UBAP2L: variants seen among roughly 807,000 people sequenced by gnomAD.
UBAP2L encodes ubiquitin-associated protein 2-like.
UBAP2L carries 12 observed loss-of-function variants against 130.6 expected under a neutral mutation model. That is an observed-to-expected ratio of 0.09 (90% CI 0.06 to 0.15). The LOEUF (loss-of-function observed/expected upper bound fraction) is 0.15. UBAP2L is among the 10% of genes least tolerant of loss of function. The pLI is 1.00. For missense variants in UBAP2L, 965 were observed against 1,332.5 expected (o/e 0.72, Z 4.29); for synonymous variants, 503 against 524.7 (o/e 0.96, Z 0.57).
chr1:154,222,899 CCT>C (rs1666744368), intron 1 of UBAP2L, among the ~76,000 whole-genome samples: 1 of 152,146 alleles, frequency 6.6e-6, no homozygotes, highest in Admixed American at 6.5e-5. Flanking sequence ...TGTGTTGAAA[CCT>C]CTGTTTACTC....
At chr1:154,253,615 G>A (rs949788982) in intron 14 of UBAP2L, among the ~76,000 whole-genome samples, 35 of 151,762 alleles carry the variant, frequency 2.3e-4, no homozygotes, top group South Asian at 8.3e-4. Context: ...CTCGTGATCC[G>A]CCCGCCTCGA....
Position 154,254,687 on chromosome 1 carries a change from T to C in UBAP2L, c.1855-149T>C. 16 of 870,480 alleles carry C rather than the reference T, an allele frequency of 1.8e-5. No homozygotes were observed. In the South Asian group the frequency reaches 2.7e-4, roughly 15 times the overall value. 53.9% of individuals were successfully genotyped at this position (870,480 alleles called of 1,614,324 possible). The stretch of plus-strand genomic sequence containing the variant: ...TCCTATTTTGGTTTTTTGGATAGTC[T>C]ACATTGTATTAATATTAATCCTTTT... On this transcript the variant is annotated intron_variant, in intron 15 of 26. Transcript: ENST00000428931.
Position 154,268,942 on chromosome 1 carries a change from G to A in UBAP2L, c.3156G>A (p.Gln1052=). The A allele has an allele frequency of 1.2e-6, 2 of 1,613,492 alleles. No individual in the cohort carries two copies. Among genetic ancestry groups the A allele is most frequent in the Non-Finnish European group, 1.7e-6 (2 of 1,179,932 alleles). ...PHSQILHHHL[Q]QDGQTGSGQR... is the part of the protein sequence containing the mutation. ...CTCAGATCCTTCACCATCACCTGCA[G>A]CAGGATGGCCAGGTAATAGCCCTTC... The change falls in exon 26 of 27, where the codon CAG becomes CAA. Residue 1052 remains glutamine, a synonymous_variant. Transcript: ENST00000428931.
intron 20 of UBAP2L, 104 bp downstream of exon 20, chr1:154,257,538 A>C: frequency 8.1e-7 from 1 of 1,230,666 alleles, no homozygotes. Flanking sequence ...AAACTTGCAC[A>C]TACTCAAGCC....
chr1:154,257,189 C>T lies in UBAP2L; in HGVS notation c.2284C>T (p.Leu762=). 2 of 1,614,208 alleles carry T rather than the reference C, an allele frequency of 1.2e-6. No homozygotes were observed. The highest frequency in any genetic ancestry group is 1.1e-5 in the South Asian group (1 of 91,088). ...CTCCAGTCTCAATAGTGGCAGTAGC[C>T]TGGGCCTCAGCCTAGGCAGCAACTC... The part of the protein sequence containing the change: ...VSSSLNSGSS[L]GLSLGSNSTV... The change falls in exon 19 of 27, where the codon CTG becomes TTG. Residue 762 remains leucine (L), a synonymous_variant. Transcript: ENST00000428931.
intron 6 of UBAP2L, among the ~76,000 whole-genome samples, chr1:154,236,103 T>C (rs140444387): frequency 4.7e-4 from 72 of 152,308 alleles, no homozygotes; most frequent in African/African-American, 1.5e-3. Flanking sequence ...ACAGTAATGA[T>C]TGTCCTACTC....
At chr1:154,240,098 G>C (rs928225192) in intron 8 of UBAP2L, among the ~76,000 whole-genome samples, 1 of 152,156 alleles carries the variant, frequency 6.6e-6, no homozygotes, top group Non-Finnish European at 1.5e-5. Flanking sequence ...CACAGCATCT[G>C]AATGTCAGAC....
At chr1:154,271,086 A>G (rs1684656172), downstream of UBAP2L, 1 of 783,350 alleles carries the variant, frequency 1.3e-6, no homozygotes, top group East Asian at 2.8e-5. Flanking sequence ...TGGTGACTGG[A>G]AAGAACCACC....
intron 12 of UBAP2L, 141 bp downstream of exon 12, chr1:154,249,578 C>A: frequency 1.1e-6 from 1 of 936,620 alleles, no homozygotes; most frequent in Admixed American, 2.7e-5. Flanking sequence ...ATGTATTTCC[C>A]CTAATCAAAT....
intron 6 of UBAP2L, among the ~76,000 whole-genome samples, chr1:154,235,938 T>C (rs1671526089): frequency 6.6e-6 from 1 of 152,104 alleles, no homozygotes; most frequent in Admixed American, 6.5e-5. Context: ...TAACATGAAG[T>C]CTAGTTAGTT....
chr1:154,228,006 A>G (rs979674482), intron 3 of UBAP2L, among the ~76,000 whole-genome samples: 8 of 152,074 alleles, frequency 5.3e-5, no homozygotes, highest in African/African-American at 1.9e-4. Flanking sequence ...TTGATTCTGT[A>G]TTTGATGCTT....
chr1:154,244,195 G>T (rs545484657), intron 10 of UBAP2L, among the ~76,000 whole-genome samples: 3 of 152,060 alleles, frequency 2.0e-5, no homozygotes, highest in African/African-American at 7.2e-5. Context: ...CAGTTCTGAC[G>T]TTAACTACCC....
At chr1:154,266,669 G>T (rs1683322033) in intron 25 of UBAP2L, 101 bp downstream of exon 25, 5 of 1,257,592 alleles carry the variant, frequency 4.0e-6, no homozygotes, top group Non-Finnish European at 4.6e-6. Flanking sequence ...CCCTAGGAGA[G>T]GTGGCAGGAA....
intron 9 of UBAP2L, among the ~76,000 whole-genome samples, chr1:154,242,102 C>G (rs1673784048): frequency 6.6e-6 from 1 of 152,192 alleles, no homozygotes; most frequent in African/African-American, 2.4e-5. Flanking sequence ...TATCTGCCAG[C>G]TTGACTTAAC....
At position 154,270,405 on chromosome 1, in the gene UBAP2L, AC is replaced by A. The variant is rs777231192; in HGVS notation, c.*115del. 2 of 1,013,260 alleles carry A rather than the reference AC, an allele frequency of 2.0e-6. No homozygotes were observed. Among genetic ancestry groups the A allele is most frequent in the East Asian group, 2.8e-5 (1 of 35,912 alleles). The allele number at this position is 1,013,260 out of a possible 1,614,324, so 62.8% of individuals were successfully genotyped here. On this transcript the variant is annotated 3_prime_UTR_variant, in exon 27 of 27. Coordinates refer to ENST00000428931, the MANE Select transcript of UBAP2L (RefSeq NM_014847.4). ...ATGTGGGGGGTTTCCGCTGCCCCCC[AC>A]CCCCAGCGGCCCACCCCATGCCTCA...
At chr1:154,250,539 G>A (rs1677221897) in intron 12 of UBAP2L, among the ~76,000 whole-genome samples, 1 of 152,092 alleles carries the variant, frequency 6.6e-6, no homozygotes, top group African/African-American at 2.4e-5. Context: ...GGGTAATGTT[G>A]ATTTAGTTAG....
intron 26 of UBAP2L, 124 bp from the exon 27 acceptor site, chr1:154,270,076 T>C (rs1159296610): frequency 8.0e-7 from 1 of 1,256,108 alleles, no homozygotes; most frequent in Non-Finnish European, 1.1e-6. Context: ...TTTCTATGGT[T>C]CTAATAGTAG....
downstream of UBAP2L, chr1:154,271,059 C>T (rs750717308): frequency 8.8e-5 from 90 of 1,021,342 alleles, no homozygotes; most frequent in Non-Finnish European, 1.2e-4. Context: ...CCCCTCACCC[C>T]TAAGACTTTC....
intron 2 of UBAP2L, 30 bp downstream of exon 2, chr1:154,225,243 G>A (rs1369480805): frequency 9.3e-6 from 15 of 1,608,954 alleles, no homozygotes; most frequent in Middle Eastern, 1.7e-4. Flanking sequence ...CGGATTCATG[G>A]ATAGCGTTGC....
Sources: allele counts gnomAD v4.1 joint callset (sites outside exome capture counted in the v4.1 genomes callset), GRCh38; gene constraint gnomAD v4.1.1; transcripts MANE v1.5; gene names NCBI Gene and HGNC (gene_info 2026-07-23, HGNC 2026-07-21).